Variants in CTDSPL observed in about 807,000 individuals in gnomAD.
CTDSPL encodes the protein CTD small phosphatase-like protein.
Under a neutral mutation model 30.5 loss-of-function variants are expected in CTDSPL, and 8 were observed. The ratio of observed to expected loss-of-function variants is 0.26; its 90% CI spans 0.15 to 0.47. CTDSPL has a LOEUF of 0.47. Ranked by LOEUF, CTDSPL falls within the 20% of genes least tolerant of loss-of-function variation. The probability of loss-of-function intolerance (pLI) is 0.99; values close to 1 mark genes in which losing one functional copy is unlikely to be tolerated. For missense variants in CTDSPL, 248 were observed against 366.1 expected, an observed-to-expected ratio of 0.68 and a Z score of 2.63; for synonymous variants, 110 against 137.9, an observed-to-expected ratio of 0.80 and a Z score of 1.42.
At chr3:37,894,177 G>A (rs1049426335) in intron 1 of CTDSPL, among the ~76,000 whole-genome samples, 32 of 152,194 alleles carry the variant, frequency 2.1e-4, no homozygotes, top group African/African-American at 6.5e-4. Context: ...GAACTCCTGG[G>A]CTCAAGTGAT....
intron 1 of CTDSPL, among the ~76,000 whole-genome samples, chr3:37,890,991 A>G (rs1192449511): frequency 2.0e-5 from 3 of 152,170 alleles, no homozygotes; most frequent in African/African-American, 7.2e-5. Flanking sequence ...ATTCTACTTC[A>G]CTGTCTGAAG....
At chr3:37,878,399 GA>G (rs1465337902) in intron 1 of CTDSPL, among the ~76,000 whole-genome samples, 2 of 152,158 alleles carry the variant, frequency 1.3e-5, no homozygotes, top group Non-Finnish European at 2.9e-5. Flanking sequence ...TGCATACGTG[GA>G]TGTCCAGTTG....
At chr3:37,970,658 C>A (rs1477359373) in intron 5 of CTDSPL, among the ~76,000 whole-genome samples, 1 of 152,126 alleles carries the variant, frequency 6.6e-6, no homozygotes, top group East Asian at 1.9e-4. Context: ...GAAGCCTGGC[C>A]TCCTCACTGC....
At chr3:37,878,838 A>G (rs1275627101) in intron 1 of CTDSPL, among the ~76,000 whole-genome samples, 1 of 152,248 alleles carries the variant, frequency 6.6e-6, no homozygotes, top group Non-Finnish European at 1.5e-5. Context: ...GAAAGTTAAT[A>G]CAAAAGCATA....
chr3:37,952,240 GAAAGA>G (rs1699118837), intron 2 of CTDSPL, among the ~76,000 whole-genome samples: 1 of 152,126 alleles, frequency 6.6e-6, no homozygotes, highest in South Asian at 2.1e-4. Flanking sequence ...AAGTGAGAAA[GAAAGA>G]AAAGAAAAGG....
chr3:37,878,765 A>G (rs886964794), intron 1 of CTDSPL, among the ~76,000 whole-genome samples: 3 of 152,180 alleles, frequency 2.0e-5, no homozygotes, highest in Non-Finnish European at 4.4e-5. Context: ...TGTATCGTGT[A>G]TCTTTTTTTC....
rs1697944841 is a variant in CTDSPL at position 37,862,021 on chromosome 3, G to T, written c.-179G>T. On this transcript the variant is annotated 5_prime_UTR_variant, in exon 1 of 8. Coordinates refer to ENST00000273179, the MANE Select transcript of CTDSPL (RefSeq NM_001008392.2). This position sits in a 1 kb window ranked among gnomAD's most constrained non-coding sequence, Gnocchi z 4.3. ...GCTCGAGCCCAGCGGCGGCGGCGGC[G>T]GGAGCTGGGGCGCGGGCCCGGGCCG... 1 of 146,206 alleles carries T rather than the reference G, an allele frequency of 6.8e-6. No individual in the cohort carries two copies. Among genetic ancestry groups the T allele is most frequent in the South Asian group, 2.0e-4 (1 of 5,106 alleles). 9.1% of individuals were successfully genotyped at this position (146,206 alleles called of 1,614,324 possible). A position where few individuals can be genotyped will look rare whatever the true frequency, so the allele number is the denominator to read the frequency against.
At position 37,981,090 on chromosome 3, in the gene CTDSPL, G is replaced by C. The variant is rs920646055; in HGVS notation, c.*223G>C. 4 of 246,496 alleles carry C rather than the reference G, an allele frequency of 1.6e-5. No individual in the cohort carries two copies. The highest frequency in any genetic ancestry group is 2.3e-5 in the African/African-American group (1 of 42,620). The allele number at this position is 246,496 out of a possible 1,614,324, so 15.3% of individuals were successfully genotyped here. A position where few individuals can be genotyped will look rare whatever the true frequency, so the allele number is the denominator to read the frequency against. On this transcript the variant is annotated 3_prime_UTR_variant, in exon 8 of 8. Transcript: ENST00000273179. ...CATAAAGGGACATGCATTTTACTGG[G>C]TTTGCTTTTCTTAAAACATACCAAA...
chr3:37,979,220 T>C (rs1183400319), intron 7 of CTDSPL, among the ~76,000 whole-genome samples: 1 of 151,244 alleles, frequency 6.6e-6, no homozygotes, highest in Non-Finnish European at 1.5e-5. Flanking sequence ...CCCAGCACTT[T>C]GGGAGGCTGA....
chr3:37,926,275 T>G (rs368852657), intron 1 of CTDSPL, among the ~76,000 whole-genome samples: 3 of 152,172 alleles, frequency 2.0e-5, no homozygotes, highest in East Asian at 1.9e-4. Flanking sequence ...TCAGAGATCT[T>G]CATCAAAGCC....
intron 3 of CTDSPL, among the ~76,000 whole-genome samples, chr3:37,960,533 TATACACACACACACAC>T (rs1699232094): frequency 3.0e-5 from 1 of 33,566 alleles, no homozygotes; most frequent in South Asian, 1.1e-3. Context: ...TATATATATA[TATACACACACACACAC>T]ACACACACAC....
At chr3:37,973,396 T>A (rs1368619678) in intron 6 of CTDSPL, among the ~76,000 whole-genome samples, 5 of 152,244 alleles carry the variant, frequency 3.3e-5, no homozygotes, top group Admixed American at 2.6e-4. Context: ...GTCCCCAGCA[T>A]TTGCTTAAAC....
chr3:37,894,942 A>G (rs577628683), intron 1 of CTDSPL, among the ~76,000 whole-genome samples: 23 of 152,088 alleles, frequency 1.5e-4, no homozygotes, highest in Non-Finnish European at 3.2e-4. Context: ...TTTCCTATAT[A>G]TTTCATATAT....
At chr3:37,896,689 C>T (rs1698394082) in intron 1 of CTDSPL, among the ~76,000 whole-genome samples, 1 of 152,214 alleles carries the variant, frequency 6.6e-6, no homozygotes, top group Non-Finnish European at 1.5e-5. Flanking sequence ...CAGTCACATA[C>T]CACCACACCT....
At chr3:37,923,398 G>A (rs952546597) in intron 1 of CTDSPL, among the ~76,000 whole-genome samples, 1 of 152,184 alleles carries the variant, frequency 6.6e-6, no homozygotes, top group Non-Finnish European at 1.5e-5. Flanking sequence ...GTTCAAATGC[G>A]TTCTTAAAAT....
chr3:37,908,140 G>A (rs1400797462), intron 1 of CTDSPL, among the ~76,000 whole-genome samples: 5 of 152,210 alleles, frequency 3.3e-5, no homozygotes, highest in African/African-American at 9.6e-5. Context: ...CAGCACAAAC[G>A]CTGCCTAGAA....
chr3:37,922,645 T>A (rs1698731335), intron 1 of CTDSPL, among the ~76,000 whole-genome samples: 1 of 152,252 alleles, frequency 6.6e-6, no homozygotes, highest in South Asian at 2.1e-4. Flanking sequence ...CTTGCAAATG[T>A]GGCTCTGTTG....
At chr3:37,884,929 T>C (rs1223522349) in intron 1 of CTDSPL, among the ~76,000 whole-genome samples, 1 of 151,982 alleles carries the variant, frequency 6.6e-6, no homozygotes, top group Non-Finnish European at 1.5e-5. Context: ...CCAATAGAAC[T>C]GACAGCAGGA....
intron 1 of CTDSPL, among the ~76,000 whole-genome samples, chr3:37,926,034 G>A (rs1698777878): frequency 6.6e-6 from 1 of 152,184 alleles, no homozygotes; most frequent in South Asian, 2.1e-4. Context: ...CACAGTAGCT[G>A]ACATATAGTA....
Sources: gnomAD v4.1 joint callset for allele counts (sites outside exome capture counted in the v4.1 genomes callset) on GRCh38, gnomAD v4.1.1 for gene constraint, Gnocchi (gnomAD v3.1) non-coding constraint, MANE v1.5 for transcripts, NCBI Gene and HGNC (gene_info 2026-07-23, HGNC 2026-07-21) for gene names.